POLN: variants seen among roughly 807,000 people sequenced by gnomAD.
POLN encodes the protein DNA polymerase nu.
A neutral mutation model predicts 113.5 loss-of-function variants in POLN; 108 were observed. The ratio of observed to expected loss-of-function variants is 0.95; its 90% CI spans 0.81 to 1.12. The LOEUF (loss-of-function observed/expected upper bound fraction) is 1.12. Ranked by LOEUF, POLN falls within the 50% of genes most tolerant of loss-of-function variation. The probability of loss-of-function intolerance (pLI) is 0.00; values close to 1 mark genes in which losing one functional copy is unlikely to be tolerated. For missense variants in POLN, 1,097 were observed against 1,077.1 expected, an observed-to-expected ratio of 1.02 and a Z score of -0.26; for synonymous variants, 386 against 391.5, an observed-to-expected ratio of 0.99 and a Z score of 0.17.
chr4:2,094,734 T>C (rs1422532186), intron 20 of POLN, among the ~76,000 whole-genome samples: 1 of 152,080 alleles, frequency 6.6e-6, no homozygotes, highest in East Asian at 1.9e-4. Context: ...TTGGCTGTGG[T>C]TCTAGACAAG....
At chr4:2,128,644 G>A (rs1731645486) in intron 18 of POLN, among the ~76,000 whole-genome samples, 2 of 146,938 alleles carry the variant, frequency 1.4e-5, no homozygotes. Context: ...CGGCAAGGCC[G>A]CAGCGAGCAG....
At chr4:2,146,280 C>T (rs868182125) in intron 16 of POLN, among the ~76,000 whole-genome samples, 5 of 151,400 alleles carry the variant, frequency 3.3e-5, no homozygotes, top group South Asian at 2.1e-4. Flanking sequence ...CCGAGGCAGG[C>T]GGATCACCTG....
At chr4:2,147,643 C>CTTTTTTTTTTTTTTTTTTTTTTTTT (rs747184067) in intron 16 of POLN, among the ~76,000 whole-genome samples, 2 of 79,356 alleles carry the variant, frequency 2.5e-5, no homozygotes, top group Non-Finnish European at 5.1e-5. Flanking sequence ...TTTTTCTTTT[C>CTTTTTTTTTTTTTTTTTTTTTTTTT]TTTTTTTTTT....
At chr4:2,164,355 G>T (rs546002620) in intron 13 of POLN, among the ~76,000 whole-genome samples, 2 of 151,734 alleles carry the variant, frequency 1.3e-5, no homozygotes, top group South Asian at 4.2e-4. Context: ...TACAAAATTA[G>T]CCAGGCGTGG....
chr4:2,234,846 CA>C (rs1226558385), intron 2 of POLN, among the ~76,000 whole-genome samples: 1 of 152,098 alleles, frequency 6.6e-6, no homozygotes, highest in Non-Finnish European at 1.5e-5. Flanking sequence ...AAAATAGACT[CA>C]AAATACATAG....
At chr4:2,229,396 TATAG>T in intron 2 of POLN, 153 bp from the exon 3 acceptor site, 2 of 595,344 alleles carry the variant, frequency 3.4e-6, no homozygotes, top group South Asian at 3.6e-5. Flanking sequence ...CATCCAATAA[TATAG>T]ATAGAAAGAA....
intron 19 of POLN, among the ~76,000 whole-genome samples, chr4:2,104,360 G>A (rs978154963): frequency 2.0e-5 from 3 of 152,150 alleles, no homozygotes; most frequent in African/African-American, 7.2e-5. Flanking sequence ...TATCATGTAC[G>A]AGTTTTTGTG....
chr4:2,088,871 G>A (rs1021671980), intron 20 of POLN: 28 of 1,462,454 alleles, frequency 1.9e-5, no homozygotes, highest in Non-Finnish European at 2.6e-5. Flanking sequence ...GAGGTCAAGG[G>A]TGCGTCGCTT....
chr4:2,175,310 T>G (rs951783968), intron 9 of POLN, among the ~76,000 whole-genome samples: 7 of 152,082 alleles, frequency 4.6e-5, no homozygotes, highest in Non-Finnish European at 8.8e-5. Flanking sequence ...AAGTCAAACA[T>G]TGGAAGTGGA....
chr4:2,162,587 GCTGGGA>G (rs1732627207), intron 13 of POLN, among the ~76,000 whole-genome samples: 1 of 152,166 alleles, frequency 6.6e-6, no homozygotes, highest in Non-Finnish European at 1.5e-5. Flanking sequence ...CTCCAGAGTA[GCTGGGA>G]CTACAGGTGC....
intron 3 of POLN, among the ~76,000 whole-genome samples, chr4:2,226,058 T>C (rs1386777659): frequency 6.6e-6 from 1 of 152,202 alleles, no homozygotes; most frequent in African/African-American, 2.4e-5. Context: ...GTGGTATAGC[T>C]GTTTTTTAAA....
At chr4:2,113,057 T>TA (rs1389371352) in intron 19 of POLN, among the ~76,000 whole-genome samples, 5 of 151,646 alleles carry the variant, frequency 3.3e-5, no homozygotes, top group Non-Finnish European at 5.9e-5. Context: ...TATGCAGCCG[T>TA]AAAAAATGAT....
At chr4:2,206,704 TCTTACTCCTG>T (rs1733854514) in intron 5 of POLN, among the ~76,000 whole-genome samples, 1 of 152,206 alleles carries the variant, frequency 6.6e-6, no homozygotes, top group Admixed American at 6.5e-5. Flanking sequence ...TGTAATACCA[TCTTACTCCTG>T]CAAGAATGGC....
intron 2 of POLN, chr4:2,240,010 T>A (rs1271763076): frequency 6.4e-7 from 1 of 1,554,048 alleles, no homozygotes; most frequent in Non-Finnish European, 8.9e-7. Flanking sequence ...AATTACAATG[T>A]GAATCCAATC....
chr4:2,146,234 G>A (rs947938989), intron 16 of POLN, among the ~76,000 whole-genome samples: 40 of 152,196 alleles, frequency 2.6e-4, no homozygotes, highest in African/African-American at 9.6e-4. Flanking sequence ...GGCCAGGCGT[G>A]GTGGCTCACA....
intron 2 of POLN, among the ~76,000 whole-genome samples, chr4:2,235,914 A>C (rs1050213529): frequency 1.3e-5 from 2 of 152,208 alleles, no homozygotes; most frequent in African/African-American, 4.8e-5. Context: ...CTATAAAGGC[A>C]ATCCTGTGTT....
At chr4:2,222,092 T>A (rs1386256835) in intron 3 of POLN, among the ~76,000 whole-genome samples, 1 of 152,226 alleles carries the variant, frequency 6.6e-6, no homozygotes, top group Non-Finnish European at 1.5e-5. Flanking sequence ...AATTGAGACC[T>A]GCCTGTTATT....
At chr4:2,229,016 G>T in intron 3 of POLN, 83 bp downstream of exon 3, 1 of 1,362,288 alleles carries the variant, frequency 7.3e-7, no homozygotes, top group Non-Finnish European at 1.0e-6. Flanking sequence ...CTGTCTACAT[G>T]CATTCCATTT....
At chr4:2,128,995 C>T (rs888965534) in intron 18 of POLN, among the ~76,000 whole-genome samples, 184 bp downstream of exon 18, 2 of 143,442 alleles carry the variant, frequency 1.4e-5, no homozygotes, top group African/African-American at 2.6e-5. Flanking sequence ...GCAGAGGTTG[C>T]AGTGAGTCAA....
Sources: gnomAD v4.1 joint callset for allele counts (sites outside exome capture counted in the v4.1 genomes callset) on GRCh38, gnomAD v4.1.1 for gene constraint, MANE v1.5 for transcripts, NCBI Gene and HGNC (gene_info 2026-07-23, HGNC 2026-07-21) for gene names.